Variants in FSTL4 observed in about 807,000 individuals in gnomAD.
FSTL4 encodes follistatin-related protein 4.
A neutral mutation model predicts 78.2 loss-of-function variants in FSTL4; 28 were observed. That is an observed-to-expected ratio of 0.36 (90% CI 0.27 to 0.49). The LOEUF is 0.49. FSTL4 is among the 20% of genes least tolerant of loss of function. The pLI, the probability that FSTL4 is intolerant of heterozygous loss-of-function variation, is 0.98. For synonymous variants in FSTL4, 422 were observed against 440.5 expected, an observed-to-expected ratio of 0.96 and a Z score of 0.53; for missense variants, 922 against 1,084.9, an observed-to-expected ratio of 0.85 and a Z score of 2.11.
At chr5:133,461,415 T>C (rs1680237210) in intron 3 of FSTL4, among the ~76,000 whole-genome samples, 1 of 152,224 alleles carries the variant, frequency 6.6e-6, no homozygotes, top group Non-Finnish European at 1.5e-5. Context: ...ACTGGAGCTT[T>C]AAACATTTTT....
At chr5:133,657,916 A>C in the FSTL4 span, among the ~76,000 whole-genome samples, 1 of 151,958 alleles carries the variant, frequency 6.6e-6, no homozygotes, top group Non-Finnish European at 1.5e-5. Flanking sequence ...TTAAAAAATT[A>C]GATTTTAGTA....
the FSTL4 span, among the ~76,000 whole-genome samples, chr5:133,675,516 C>A: frequency 6.6e-6 from 1 of 152,198 alleles, no homozygotes; most frequent in Non-Finnish European, 1.5e-5. Flanking sequence ...CACCAGTGCC[C>A]ACAGGGGTGT....
chr5:133,600,095 T>G (rs144818085), intron 2 of FSTL4, among the ~76,000 whole-genome samples: 18 of 152,346 alleles, frequency 1.2e-4, no homozygotes, highest in Non-Finnish European at 1.6e-4. Context: ...AACATGAGCA[T>G]AGTATGAAAA....
At chr5:133,224,925 G>A (rs537201593) in intron 10 of FSTL4, among the ~76,000 whole-genome samples, 2 of 152,226 alleles carry the variant, frequency 1.3e-5, no homozygotes, top group Admixed American at 1.3e-4. Context: ...CTGCTGTCCA[G>A]GGAATCTCCC....
At chr5:133,205,197 G>T (rs1750457368) in intron 14 of FSTL4, among the ~76,000 whole-genome samples, 1 of 152,078 alleles carries the variant, frequency 6.6e-6, no homozygotes, top group African/African-American at 2.4e-5. Context: ...TATTAAGAAT[G>T]CCTGCTGTAT....
intron 7 of FSTL4, among the ~76,000 whole-genome samples, chr5:133,239,385 C>G (rs904609116): frequency 3.9e-5 from 6 of 152,370 alleles, no homozygotes; most frequent in African/African-American, 1.4e-4. Flanking sequence ...CACCTGCAGA[C>G]CTGGTGCAGG....
chr5:133,595,533 G>T (rs1259091201), intron 2 of FSTL4, among the ~76,000 whole-genome samples: 2 of 152,200 alleles, frequency 1.3e-5, no homozygotes, highest in African/African-American at 4.8e-5. Flanking sequence ...CTGGAAAGAG[G>T]ACCCTCCCAC....
the FSTL4 span, among the ~76,000 whole-genome samples, chr5:133,717,667 C>T: frequency 4.9e-4 from 75 of 152,308 alleles, 1 homozygote; most frequent in African/African-American, 1.7e-3. Context: ...ATAAATAAAA[C>T]ATTACAGTGC....
intron 12 of FSTL4, among the ~76,000 whole-genome samples, chr5:133,218,107 C>T (rs1374074433): frequency 6.6e-6 from 1 of 152,170 alleles, no homozygotes; most frequent in Non-Finnish European, 1.5e-5. Context: ...TCAAAATCAA[C>T]TCTTGATTTT....
At chr5:133,646,115 A>G in the FSTL4 span, among the ~76,000 whole-genome samples, 1 of 152,162 alleles carries the variant, frequency 6.6e-6, no homozygotes, top group African/African-American at 2.4e-5. Context: ...ACAAAAATAC[A>G]CAATTACAAA....
the FSTL4 span, among the ~76,000 whole-genome samples, chr5:133,639,231 A>G: frequency 0.31 from 47,610 of 151,810 alleles, 7,845 homozygotes; most frequent in East Asian, 0.35. Flanking sequence ...ACATTTTCTC[A>G]CTCATAAGTC....
chr5:133,794,039 G>A, the FSTL4 span, among the ~76,000 whole-genome samples: 2 of 152,170 alleles, frequency 1.3e-5, no homozygotes, highest in Admixed American at 1.3e-4. Flanking sequence ...AATCATCCTG[G>A]GGAGCCGCTT....
rs1450846263 is a variant in FSTL4, at chr5:133,220,744, T to C, written c.1458+4A>G. 1 of 1,476,802 alleles carries C rather than the reference T, an allele frequency of 6.8e-7. No homozygotes were observed. The highest frequency in any genetic ancestry group is 9.5e-7 in the Non-Finnish European group (1 of 1,054,162). The allele number at this position is 1,476,802 out of a possible 1,614,324, so 91.5% of individuals were successfully genotyped here. On this transcript the variant is annotated splice_donor_region_variant and intron_variant, in intron 12 of 15. Transcript: ENST00000265342. ...TAGAAGCTGCCCCAGGCACAGTTAC[T>C]TACATAGCTCATGAAAATCTTTTCC...
At chr5:133,472,821 G>A (rs1757851174) in intron 3 of FSTL4, among the ~76,000 whole-genome samples, 1 of 152,254 alleles carries the variant, frequency 6.6e-6, no homozygotes, top group Non-Finnish European at 1.5e-5. Flanking sequence ...CTTGAAAGAT[G>A]AATACACCAG....
At chr5:133,589,195 G>A (rs1256260329) in intron 2 of FSTL4, among the ~76,000 whole-genome samples, 4 of 63,960 alleles carry the variant, frequency 6.3e-5, no homozygotes, top group Admixed American at 1.7e-4. Context: ...TAGATGACAC[G>A]TTAGTGGGTG....
the FSTL4 span, among the ~76,000 whole-genome samples, chr5:133,666,166 G>A: frequency 6.6e-6 from 1 of 151,946 alleles, no homozygotes; most frequent in Non-Finnish European, 1.5e-5. Flanking sequence ...CTGCCAAGCT[G>A]CTCAGATATT....
At chr5:133,723,930 A>T in the FSTL4 span, among the ~76,000 whole-genome samples, 2 of 152,324 alleles carry the variant, frequency 1.3e-5, no homozygotes, top group South Asian at 4.1e-4. Context: ...GGGTTAGGGC[A>T]TAGCAGCAGC....
chr5:133,229,483 A>AT (rs1248502082), intron 8 of FSTL4, among the ~76,000 whole-genome samples: 1 of 152,054 alleles, frequency 6.6e-6, no homozygotes, highest in Admixed American at 6.6e-5. Context: ...AGATCATGCT[A>AT]TTGCACTCCA....
Position 133,249,542 on chromosome 5 carries a change from C to A in FSTL4, c.762G>T (p.Arg254Ser), listed in dbSNP as rs751712731. ...CCACGGTCACTGTGGTCACACTGAC[C>A]CTGTCCTCGGGGGCGAGGCTGAGCT... ...VVQLSLAPED[R>S]VSVTTVTVGL... The change falls in exon 7 of 16, where the codon AGG becomes AGT. Residue 254 changes from arginine to serine, a missense_variant. Arg to Ser is a moderately radical substitution (Grantham distance 110). Transcript: ENST00000265342. 6.2e-7 allele frequency: 1 copy of A among 1,613,570 alleles called. No homozygotes were observed. The highest frequency in any genetic ancestry group is 2.2e-5 in the East Asian group (1 of 44,870).
Sources: gnomAD v4.1 joint callset for allele counts (sites outside exome capture counted in the v4.1 genomes callset) on GRCh38, gnomAD v4.1.1 for gene constraint, MANE v1.5 for transcripts, NCBI Gene and HGNC (gene_info 2026-07-23, HGNC 2026-07-21) for gene names.